Variants in PEX14 observed in about 807,000 individuals in gnomAD.
PEX14 encodes peroxisomal membrane protein PEX14.
In PEX14, 15 loss-of-function variants were observed where a neutral mutation model predicts 49.5. The observed-to-expected ratio is 0.30, with a 90% CI of 0.20 to 0.47. PEX14 has a LOEUF of 0.47. Ranked by LOEUF, PEX14 falls within the 20% of genes least tolerant of loss-of-function variation. PEX14 has a pLI of 1.00. For synonymous variants in PEX14, 210 were observed against 212.7 expected (o/e 0.99, Z 0.11); for missense variants, 398 against 494.8 (o/e 0.80, Z 1.86).
In PEX14 at chr1:10,628,086, C is replaced by T. The variant is rs1292934654; in HGVS notation, c.677+723C>T. Reference sequence around the variant, plus strand: ...GAGTAGCTGGGATTACAGGCGCCCGCCACCACTCCCGGCTAATTTTTGTAT... The same window carrying T: ...GAGTAGCTGGGATTACAGGCGCCCGTCACCACTCCCGGCTAATTTTTGTAT... On this transcript the variant is annotated intron_variant, in intron 8 of 8. Transcript: ENST00000356607. The surrounding 1 kb of genome is among the most constrained non-coding windows in gnomAD (Gnocchi z 4.5). Among the ~76,000 whole-genome samples, 1 of 152,194 alleles carries T rather than the reference C, an allele frequency of 6.6e-6. No individual in the cohort carries two copies. Among genetic ancestry groups the T allele is most frequent in the East Asian group, 1.9e-4 (1 of 5,196 alleles).
intron 1 of PEX14, among the ~76,000 whole-genome samples, chr1:10,493,064 A>G (rs889879190): frequency 6.6e-6 from 1 of 152,204 alleles, no homozygotes; most frequent in Non-Finnish European, 1.5e-5. Flanking sequence ...GCGCAGTGAC[A>G]GAGAAAGCAA....
In PEX14 at chr1:10,619,528, C is replaced by T. The variant is rs145600054; in HGVS notation, c.384+1111C>T. Among the ~76,000 whole-genome samples, 1,234 of 151,828 alleles carry T rather than the reference C, an allele frequency of 8.1e-3. 17 individuals carry two copies. The highest frequency in any genetic ancestry group is 0.026 in the African/African-American group (1,094 of 41,410). On this transcript the variant is annotated intron_variant, in intron 5 of 8. Coordinates refer to ENST00000356607, the MANE Select transcript of PEX14 (RefSeq NM_004565.3). Reference sequence around the variant, plus strand: ...GATGGGGTTTCACTGTTGGCCAGGCCGGTCTCGAACTCCTGACCTCAGGTG... The same window carrying T: ...GATGGGGTTTCACTGTTGGCCAGGCTGGTCTCGAACTCCTGACCTCAGGTG...
intron 3 of PEX14, among the ~76,000 whole-genome samples, chr1:10,566,528 G>A (rs1348389657): frequency 6.7e-6 from 1 of 148,334 alleles, no homozygotes; most frequent in Non-Finnish European, 1.5e-5. Flanking sequence ...CACTCTTGTT[G>A]CCCAGGTTGG....
At chr1:10,526,221 A>ATTTT (rs35251972) in intron 2 of PEX14, among the ~76,000 whole-genome samples, 1 of 127,142 alleles carries the variant, frequency 7.9e-6, no homozygotes, top group Non-Finnish European at 1.6e-5. Context: ...CGCCCGGCTG[A>ATTTT]TTTTTTTTTT....
At chr1:10,483,105 C>G (rs1301090386) in intron 1 of PEX14, among the ~76,000 whole-genome samples, 1 of 152,212 alleles carries the variant, frequency 6.6e-6, no homozygotes, top group Non-Finnish European at 1.5e-5. Flanking sequence ...TCACATTTCT[C>G]CATCATAAAG....
chr1:10,556,835 A>G (rs1241287505), intron 3 of PEX14, among the ~76,000 whole-genome samples: 2 of 152,170 alleles, frequency 1.3e-5, no homozygotes, highest in East Asian at 3.9e-4. Context: ...AGGGGAGAGT[A>G]TGGTAATGGC....
At position 10,629,928 on chromosome 1, in the gene PEX14, G is replaced by A. The variant is rs1489683961; in HGVS notation, c.1075G>A (p.Glu359Lys). 1 of 1,612,870 alleles carries A rather than the reference G, an allele frequency of 6.2e-7. No homozygotes were observed. Among genetic ancestry groups the A allele is most frequent in the Non-Finnish European group, 8.5e-7 (1 of 1,179,828 alleles). Residue 359 changes from glutamate (E) to lysine (K), a missense_variant, in exon 9 of 9, where the codon GAG becomes AAG. Glu to Lys is a moderately conservative substitution (Grantham distance 56). Coordinates refer to ENST00000356607, the MANE Select transcript of PEX14 (RefSeq NM_004565.3). The surrounding 1 kb of genome is among the most constrained non-coding windows in gnomAD (Gnocchi z 8.5). ...DRRGGDGQIN[E>K]QVEKLRRPEG... is the part of the protein sequence containing the mutation. ...CCGGGGCGGGGATGGGCAGATCAAC[G>A]AGCAGGTGGAGAAGCTGCGGCGGCC...
chr1:10,553,444 G>A (rs1385765954), intron 3 of PEX14, among the ~76,000 whole-genome samples: 1 of 152,224 alleles, frequency 6.6e-6, no homozygotes, highest in East Asian at 1.9e-4. Context: ...AGGCAGTGGC[G>A]CTGGCTTCTG....
At chr1:10,522,965 T>C (rs1279625543) in intron 2 of PEX14, among the ~76,000 whole-genome samples, 1 of 152,258 alleles carries the variant, frequency 6.6e-6, no homozygotes, top group Admixed American at 6.5e-5. Flanking sequence ...TATGGTGTTA[T>C]AAGCATAGCT....
intron 3 of PEX14, among the ~76,000 whole-genome samples, chr1:10,582,477 A>G (rs969103940): frequency 6.6e-6 from 1 of 152,182 alleles, no homozygotes; most frequent in Non-Finnish European, 1.5e-5. Flanking sequence ...AGTATTGTCT[A>G]GATAGTAATT....
At position 10,626,972 on chromosome 1, in the gene PEX14, A is replaced by G. The variant is rs539817574; in HGVS notation, c.586-300A>G. On this transcript the variant is annotated intron_variant, in intron 7 of 8. Coordinates refer to ENST00000356607, the MANE Select transcript of PEX14 (RefSeq NM_004565.3). ...TAAATCCCAGACATCATCCCACTTC[A>G]TACCGCACCCGCACGCCTCCGCATG... Among the ~76,000 whole-genome samples, 8 of 152,322 alleles carry G rather than the reference A, an allele frequency of 5.3e-5. No homozygotes were observed. In the South Asian group the frequency reaches 1.7e-3, roughly 32 times the overall value.
chr1:10,576,402 G>T (rs6540938), intron 3 of PEX14, among the ~76,000 whole-genome samples: 1 of 151,512 alleles, frequency 6.6e-6, no homozygotes, highest in Non-Finnish European at 1.5e-5. Flanking sequence ...ATTTTTTATT[G>T]TCTTCTTACA....
intron 1 of PEX14, among the ~76,000 whole-genome samples, chr1:10,490,343 C>G (rs1329596257): frequency 6.6e-6 from 1 of 152,150 alleles, no homozygotes; most frequent in Non-Finnish European, 1.5e-5. Context: ...AGTTACTGGG[C>G]AGATGCAGGA....
chr1:10,496,251 C>T (rs1641558319), intron 2 of PEX14, among the ~76,000 whole-genome samples: 1 of 152,196 alleles, frequency 6.6e-6, no homozygotes, highest in African/African-American at 2.4e-5. Flanking sequence ...GTGATACAAG[C>T]ACTGCTGGGA....
At chr1:10,604,392 G>C (rs944241035) in intron 4 of PEX14, among the ~76,000 whole-genome samples, 1 of 152,166 alleles carries the variant, frequency 6.6e-6, no homozygotes, top group African/African-American at 2.4e-5. Flanking sequence ...TGAGACAGGA[G>C]GAGCACTTTG....
chr1:10,505,830 G>C (rs1037060765), intron 2 of PEX14, among the ~76,000 whole-genome samples: 2 of 151,792 alleles, frequency 1.3e-5, no homozygotes, highest in Non-Finnish European at 2.9e-5. Context: ...ACAGGTGTGT[G>C]CCACCATGCC....
At position 10,543,324 on chromosome 1, in the gene PEX14, T is replaced by G. The variant is rs182628931; in HGVS notation, c.169+7027T>G. Among the ~76,000 whole-genome samples the G allele has an allele frequency of 2.7e-3, 414 of 152,020 alleles. 2 individuals are homozygous for G. The highest frequency in any genetic ancestry group is 9.4e-3 in the African/African-American group (389 of 41,488). ...TAATTTTTGTAGTTTTTGGTAGAGATGGGGTTTTACCATCTTGGCCAGGCT... is the reference window on the plus strand; with the variant it reads ...TAATTTTTGTAGTTTTTGGTAGAGAGGGGGTTTTACCATCTTGGCCAGGCT... On this transcript the variant is annotated intron_variant, in intron 3 of 8. Coordinates refer to ENST00000356607, the MANE Select transcript of PEX14 (RefSeq NM_004565.3).
At chr1:10,500,903 T>A (rs1437358548) in intron 2 of PEX14, among the ~76,000 whole-genome samples, 1 of 152,198 alleles carries the variant, frequency 6.6e-6, no homozygotes, top group Non-Finnish European at 1.5e-5. Flanking sequence ...AGAATGACAT[T>A]AACATGTTTC....
chr1:10,506,944 A>G (rs921530975), intron 2 of PEX14, among the ~76,000 whole-genome samples: 2 of 152,248 alleles, frequency 1.3e-5, no homozygotes, highest in African/African-American at 4.8e-5. Flanking sequence ...AAATGTTTTC[A>G]GTATGTGGAG....
Sources: gnomAD v4.1 joint callset for allele counts (sites outside exome capture counted in the v4.1 genomes callset) on GRCh38, gnomAD v4.1.1 for gene constraint, Gnocchi (gnomAD v3.1) non-coding constraint, MANE v1.5 for transcripts, NCBI Gene and HGNC (gene_info 2026-07-23, HGNC 2026-07-21) for gene names.